The following QKI variants were observed in gnomAD, a reference collection of about 807,000 sequenced individuals.
QKI encodes the protein KH domain-containing RNA-binding protein QKI.
QKI carries 10 observed loss-of-function variants against 39.0 expected under a neutral mutation model. The observed-to-expected ratio is 0.26, with a 90% CI of 0.16 to 0.43. The LOEUF is 0.43. Ranked by LOEUF, QKI falls within the 20% of genes least tolerant of loss-of-function variation. The probability of loss-of-function intolerance (pLI) is 1.00; values close to 1 mark genes in which losing one functional copy is unlikely to be tolerated. For synonymous variants in QKI, 204 were observed against 155.4 expected (o/e 1.31, Z -2.33); for missense variants, 218 against 428.0 (o/e 0.51, Z 4.33).
At position 163,577,051 on chromosome 6, in the gene QKI, G is replaced by T. The variant is rs2128255057; in HGVS notation, c.*6341G>T. ...CTTGATTTCATCAGCTTCATGAAAA[G>T]GACTAGTGTCATTAACCTGTTGAAC... On this transcript the variant is annotated 3_prime_UTR_variant, in exon 8 of 8. Transcript: ENST00000361752. 6.6e-6 allele frequency: 1 copy of T among 152,204 alleles called. No homozygotes were observed. Among genetic ancestry groups the T allele is most frequent in the Non-Finnish European group, 1.5e-5 (1 of 67,998 alleles). The allele number at this position is 152,204 out of a possible 1,614,324, so 9.4% of individuals were successfully genotyped here.
intron 3 of QKI, among the ~76,000 whole-genome samples, chr6:163,499,512 T>C (rs1778613171): frequency 6.6e-6 from 1 of 152,240 alleles, no homozygotes; most frequent in South Asian, 2.1e-4. Flanking sequence ...TAGGCTTGAT[T>C]AAATATATGC....
chr6:163,478,915 A>G lies in QKI; in HGVS notation c.402+19A>G. ...AAAAAAGGTAAGTCCTTGAAAATGG[A>G]CTAAGTCTTTATGTGAGTAACTTAC... On this transcript the variant is annotated intron_variant, in intron 3 of 7. Transcript: ENST00000361752. The G allele has an allele frequency of 6.5e-7, 1 of 1,536,956 alleles. No homozygotes were observed. The highest frequency in any genetic ancestry group is 9.0e-7 in the Non-Finnish European group (1 of 1,115,810).
intron 2 of QKI, among the ~76,000 whole-genome samples, chr6:163,477,890 T>C (rs978750255): frequency 5.3e-5 from 8 of 152,082 alleles, no homozygotes; most frequent in African/African-American, 1.9e-4. Context: ...GTTGGATAAA[T>C]GCAAGAAAAA....
chr6:163,516,637 C>T (rs944724555), intron 3 of QKI, among the ~76,000 whole-genome samples: 1 of 152,130 alleles, frequency 6.6e-6, no homozygotes, highest in Non-Finnish European at 1.5e-5. Context: ...TATGGTCTTT[C>T]AATATACCTT....
rs541250150 is a variant in QKI, at chr6:163,566,276, T to C, written c.935-445T>C. On this transcript the variant is annotated intron_variant, in intron 6 of 7. Coordinates refer to ENST00000361752, the MANE Select transcript of QKI (RefSeq NM_006775.3). Reference sequence around the variant, plus strand: ...ATTGACTCAGAGTTTAAAACCACAATCTGTAGGCTTTAAGAATTGCTTTTA... The same window carrying C: ...ATTGACTCAGAGTTTAAAACCACAACCTGTAGGCTTTAAGAATTGCTTTTA... 614 of 1,229,748 alleles carry C rather than the reference T, an allele frequency of 5.0e-4. 9 individuals are homozygous for C. The highest frequency in any genetic ancestry group is 7.4e-4 in the East Asian group (18 of 24,250). 76.2% of individuals were successfully genotyped at this position (1,229,748 alleles called of 1,614,324 possible). A position where few individuals can be genotyped will look rare whatever the true frequency, so the allele number is the denominator to read the frequency against.
chr6:163,461,674 C>G (rs1377890103), intron 2 of QKI, among the ~76,000 whole-genome samples: 1 of 152,180 alleles, frequency 6.6e-6, no homozygotes, highest in African/African-American at 2.4e-5. Context: ...GAGGAGAAAT[C>G]TGCTTCTCAG....
At chr6:163,499,861 A>G (rs1778640807) in intron 3 of QKI, among the ~76,000 whole-genome samples, 1 of 152,184 alleles carries the variant, frequency 6.6e-6, no homozygotes, top group Non-Finnish European at 1.5e-5. Context: ...CTAAACAATT[A>G]AACGAACAAA....
chr6:163,439,751 G>A (rs899931765), intron 1 of QKI, among the ~76,000 whole-genome samples: 1 of 151,100 alleles, frequency 6.6e-6, no homozygotes, highest in African/African-American at 2.4e-5. Flanking sequence ...CAGGGTGTGA[G>A]CAATTCTCAT....
At chr6:163,491,118 C>G (rs1778025182) in intron 3 of QKI, among the ~76,000 whole-genome samples, 1 of 152,060 alleles carries the variant, frequency 6.6e-6, no homozygotes, top group Non-Finnish European at 1.5e-5. Flanking sequence ...GAAAAGAAGA[C>G]CCGCTATCCT....
At position 163,577,135 on chromosome 6, in the gene QKI, C is replaced by T. The variant is rs992849174; in HGVS notation, c.*6425C>T. The T allele has an allele frequency of 6.6e-6, 1 of 152,076 alleles. No individual in the cohort carries two copies. Among genetic ancestry groups the T allele is most frequent in the Non-Finnish European group, 1.5e-5 (1 of 68,012 alleles). The allele number at this position is 152,076 out of a possible 1,614,324, so 9.4% of individuals were successfully genotyped here. On this transcript the variant is annotated 3_prime_UTR_variant, in exon 8 of 8. Coordinates refer to ENST00000361752, the MANE Select transcript of QKI (RefSeq NM_006775.3). ...GTGTGAAACCTTTACGAGTCTTTAACATCTAAATGTTATGACTCCTTGTAC... is the reference window on the plus strand; with the variant it reads ...GTGTGAAACCTTTACGAGTCTTTAATATCTAAATGTTATGACTCCTTGTAC...
chr6:163,544,914 C>T (rs891742087), intron 4 of QKI, among the ~76,000 whole-genome samples: 4 of 152,018 alleles, frequency 2.6e-5, no homozygotes, highest in Non-Finnish European at 4.4e-5. Context: ...CTTTACTGGT[C>T]AGTATGTAAT....
rs562232672 is a variant in QKI, at chr6:163,573,176, A to G, written c.*2466A>G. 5.3e-5 allele frequency: 8 copies of G among 152,302 alleles called. No individual in the cohort carries two copies. In the South Asian group the frequency reaches 1.2e-3, roughly 24 times the overall value. 9.4% of individuals were successfully genotyped at this position (152,302 alleles called of 1,614,324 possible). On this transcript the variant is annotated 3_prime_UTR_variant, in exon 8 of 8. Transcript: ENST00000361752. Reference sequence around the variant, plus strand: ...CAAACTTTTGAAAACTTGGTTGACAAAATTTTGGATCAACTGAAAAAAGCA... The same window carrying G: ...CAAACTTTTGAAAACTTGGTTGACAGAATTTTGGATCAACTGAAAAAAGCA...
At chr6:163,463,046 T>C (rs1038517876) in intron 2 of QKI, among the ~76,000 whole-genome samples, 1 of 152,158 alleles carries the variant, frequency 6.6e-6, no homozygotes, top group Non-Finnish European at 1.5e-5. Context: ...AGTAATGATA[T>C]GTTTGGGATA....
intron 1 of QKI, among the ~76,000 whole-genome samples, chr6:163,433,875 AT>A (rs1358389562): frequency 2.6e-5 from 4 of 152,244 alleles, no homozygotes; most frequent in African/African-American, 9.6e-5. Context: ...ATACACATTT[AT>A]ATAACTCAAC....
intron 2 of QKI, among the ~76,000 whole-genome samples, chr6:163,469,436 G>T (rs1792019158): frequency 6.6e-6 from 1 of 152,126 alleles, no homozygotes; most frequent in African/African-American, 2.4e-5. Flanking sequence ...GTGACAATTT[G>T]GGAAAAGATC....
intron 2 of QKI, among the ~76,000 whole-genome samples, chr6:163,469,043 T>C (rs1000054511): frequency 3.3e-5 from 5 of 152,262 alleles, no homozygotes; most frequent in Admixed American, 3.3e-4. Flanking sequence ...GCAATAGTGA[T>C]TGTTTCATTT....
intron 2 of QKI, among the ~76,000 whole-genome samples, chr6:163,464,337 C>G (rs1791570509): frequency 1.3e-5 from 2 of 150,346 alleles, no homozygotes; most frequent in South Asian, 4.2e-4. Flanking sequence ...GAGTCTTAAA[C>G]AGAAGGAATG....
At chr6:163,490,137 T>C (rs1219113430) in intron 3 of QKI, among the ~76,000 whole-genome samples, 1 of 152,196 alleles carries the variant, frequency 6.6e-6, no homozygotes, top group African/African-American at 2.4e-5. Flanking sequence ...TTTAGAAAAG[T>C]GGCAATGAAA....
intron 3 of QKI, among the ~76,000 whole-genome samples, chr6:163,503,826 G>A (rs188260899): frequency 1.1e-3 from 165 of 151,940 alleles, no homozygotes; most frequent in African/African-American, 3.8e-3. Flanking sequence ...TGCAACTTCC[G>A]CCTCCTGGGT....
Sources: gnomAD v4.1 joint callset for allele counts (sites outside exome capture counted in the v4.1 genomes callset) on GRCh38, gnomAD v4.1.1 for gene constraint, MANE v1.5 for transcripts, NCBI Gene and HGNC (gene_info 2026-07-23, HGNC 2026-07-21) for gene names.